The following CYB5D2 variants were observed in gnomAD, a reference collection of about 807,000 sequenced individuals.
CYB5D2 encodes the protein neuferricin.
In CYB5D2, 23 loss-of-function variants were observed where a neutral mutation model predicts 22.8. The observed-to-expected ratio is 1.01, with a 90% CI of 0.73 to 1.43. The LOEUF (loss-of-function observed/expected upper bound fraction) is 1.43, where lower values mean the gene tolerates loss of function less well. Ranked by LOEUF, CYB5D2 falls within the 40% of genes most tolerant of loss-of-function variation. The pLI, the probability that CYB5D2 is intolerant of heterozygous loss-of-function variation, is 0.00. For missense variants in CYB5D2, 373 were observed against 357.2 expected, an observed-to-expected ratio of 1.04 and a Z score of -0.36; for synonymous variants, 170 against 152.2, an observed-to-expected ratio of 1.12 and a Z score of -0.86.
Position 4,143,951 on chromosome 17 carries a change from G to T in CYB5D2, c.196G>T (p.Val66Leu). ...GGCGTTGCTCGGCCGTGTCTACGAT[G>T]TGTCCTCCGGCCGGAGGCACTACGA... The part of the protein sequence containing the change: ...YLALLGRVYD[V>L]SSGRRHYEPG... The change falls in exon 1 of 4, where the codon GTG (valine) becomes TTG (leucine). Residue 66 changes from valine (V) to leucine (L), a missense_variant. Physicochemically the swap from Val to Leu is conservative, Grantham distance 32. Coordinates refer to ENST00000301391, the MANE Select transcript of CYB5D2 (RefSeq NM_144611.4). 1 of 1,613,106 alleles carries T rather than the reference G, an allele frequency of 6.2e-7. No individual in the cohort carries two copies. Among genetic ancestry groups the T allele is most frequent in the African/African-American group, 1.3e-5 (1 of 75,042 alleles).
chr17:4,143,685 G>C lies in CYB5D2; in HGVS notation c.-71G>C. The C allele has an allele frequency of 6.6e-7, 1 of 1,523,270 alleles. No individual in the cohort carries two copies. The highest frequency in any genetic ancestry group is 2.1e-5 in the Admixed American group (1 of 46,954). 94.4% of individuals were successfully genotyped at this position (1,523,270 alleles called of 1,614,324 possible). On this transcript the variant is annotated 5_prime_UTR_variant, in exon 1 of 4. Transcript: ENST00000301391. ...CGCGCGCGCCGATGACGTCACGCTC[G>C]GCGTCTCGGCCATCTTAGCTGTAGA...
rs750306451 is a variant in CYB5D2, at chr17:4,156,963, C to A, written c.676C>A (p.Pro226Thr). Residue 226 changes from proline (P) to threonine (T), a missense_variant, in exon 4 of 4, where the codon CCT (proline) becomes ACT (threonine). Pro to Thr is a conservative substitution (Grantham distance 38). Transcript: ENST00000301391. ...CGTGTGTGTGAGAACCACCGGCCCCCCTAGTGGCCAGATGCCGGACAACCC... is the reference window on the plus strand; with the variant it reads ...CGTGTGTGTGAGAACCACCGGCCCCACTAGTGGCCAGATGCCGGACAACCC... ...RCVCVRTTGP[P>T]SGQMPDNPPH... The A allele has an allele frequency of 1.1e-5, 18 of 1,612,862 alleles. No homozygotes were observed. The highest frequency in any genetic ancestry group is 4.5e-5 in the East Asian group (2 of 44,874).
chr17:4,150,716 C>T (rs1213137054), intron 2 of CYB5D2, among the ~76,000 whole-genome samples: 2 of 152,158 alleles, frequency 1.3e-5, no homozygotes, highest in Admixed American at 6.5e-5. Flanking sequence ...GAAACCCTGT[C>T]TCTACTAAAA....
In CYB5D2 at chr17:4,156,908, G is replaced by C. The variant is rs769164850; in HGVS notation, c.621G>C (p.Leu207=). 1.2e-6 allele frequency: 2 copies of C among 1,612,848 alleles called. No homozygotes were observed. The highest frequency in any genetic ancestry group is 2.2e-5 in the South Asian group (2 of 91,014). ...SRDWIGVPRK[L]YKPGAKEPRC... ...ACTGGATTGGCGTCCCCAGGAAGCTGTATAAGCCAGGTGCTAAGGAGCCCC... is the reference window on the plus strand; with the variant it reads ...ACTGGATTGGCGTCCCCAGGAAGCTCTATAAGCCAGGTGCTAAGGAGCCCC... Residue 207 remains leucine (L), a synonymous_variant, in exon 4 of 4, where the codon CTG becomes CTC. Transcript: ENST00000301391.
At chr17:4,153,076 C>G (rs966658718) in intron 2 of CYB5D2, among the ~76,000 whole-genome samples, 1 of 152,174 alleles carries the variant, frequency 6.6e-6, no homozygotes, top group African/African-American at 2.4e-5. Flanking sequence ...CTGCGCCTGG[C>G]GCTAAGCTGT....
At chr17:4,150,094 T>A (rs1334792296) in intron 2 of CYB5D2, 63 bp downstream of exon 2, 10 of 1,576,116 alleles carry the variant, frequency 6.3e-6, no homozygotes, top group Non-Finnish European at 8.7e-6. Flanking sequence ...GGGGCTGAGA[T>A]TTTTTAGGGA....
chr17:4,143,699 C>G lies in CYB5D2; in HGVS notation c.-57C>G, dbSNP rs1692431142. On this transcript the variant is annotated 5_prime_UTR_variant, in exon 1 of 4. It adds an upstream start codon to the 5' untranslated region. Coordinates refer to ENST00000301391, the MANE Select transcript of CYB5D2 (RefSeq NM_144611.4). ...ACGTCACGCTCGGCGTCTCGGCCAT[C>G]TTAGCTGTAGATAGAGGCGGCAACC... 6.5e-7 allele frequency: 1 copy of G among 1,543,758 alleles called. No homozygotes were observed.
At chr17:4,144,990 G>C (rs1401306929) in intron 1 of CYB5D2, among the ~76,000 whole-genome samples, 1 of 152,126 alleles carries the variant, frequency 6.6e-6, no homozygotes, top group East Asian at 1.9e-4. Context: ...GTTTCACCAT[G>C]TTAGCCAGGA....
rs1196426598 is a variant in CYB5D2, at chr17:4,157,425, C to T, written c.*343C>T. 2 of 393,068 alleles carry T rather than the reference C, an allele frequency of 5.1e-6. No individual in the cohort carries two copies. Among genetic ancestry groups the T allele is most frequent in the African/African-American group, 4.1e-5 (2 of 48,994 alleles). 24.3% of individuals were successfully genotyped at this position (393,068 alleles called of 1,614,324 possible). ...CAAAAGCCTGCTGAGTTGATTACAGCTGGGCCAATACAGTACGAGGCAATA... is the reference window on the plus strand; with the variant it reads ...CAAAAGCCTGCTGAGTTGATTACAGTTGGGCCAATACAGTACGAGGCAATA... On this transcript the variant is annotated 3_prime_UTR_variant, in exon 4 of 4. Coordinates refer to ENST00000301391, the MANE Select transcript of CYB5D2 (RefSeq NM_144611.4). This position sits in a 1 kb window ranked among gnomAD's most constrained non-coding sequence, Gnocchi z 4.4.
rs1022519141 is a variant in CYB5D2 at position 4,154,758 on chromosome 17, T to C, written c.476T>C (p.Leu159Ser). Residue 159 changes from leucine (L) to serine (S), a missense_variant, in exon 3 of 4, where the codon TTG becomes TCG. Physicochemically the swap from Leu to Ser is moderately radical, Grantham distance 145. Transcript: ENST00000301391. ...GTAGAAGCTGCGATCACCAGAGGCT[T>C]GGAGGCCAACAAACTACAGCTGCAA... ...TQVEAAITRG[L>S]EANKLQLQEK... 6.2e-7 allele frequency: 1 copy of C among 1,614,154 alleles called. No individual in the cohort carries two copies. The highest frequency in any genetic ancestry group is 1.7e-5 in the Admixed American group (1 of 60,026).
intron 1 of CYB5D2, among the ~76,000 whole-genome samples, chr17:4,147,149 T>G (rs2059001309): frequency 6.6e-6 from 1 of 152,214 alleles, no homozygotes; most frequent in South Asian, 2.1e-4. Flanking sequence ...TCCATGCCCG[T>G]AGTCTCAGCT....
At chr17:4,155,235 GACAGCACA>G (rs1384334408) in intron 3 of CYB5D2, among the ~76,000 whole-genome samples, 2 of 152,148 alleles carry the variant, frequency 1.3e-5, no homozygotes, top group African/African-American at 4.8e-5. Context: ...TTTCCTGTTT[GACAGCACA>G]AATCATGCCT....
intron 2 of CYB5D2, among the ~76,000 whole-genome samples, chr17:4,151,959 T>C (rs1274531253): frequency 2.7e-5 from 4 of 149,178 alleles, no homozygotes; most frequent in Non-Finnish European, 5.9e-5. Context: ...TAAGCCGAGA[T>C]CACATCACTG....
chr17:4,152,858 A>G (rs1282106252), intron 2 of CYB5D2, among the ~76,000 whole-genome samples: 1 of 152,138 alleles, frequency 6.6e-6, no homozygotes, highest in Non-Finnish European at 1.5e-5. Context: ...GCTCACTGCA[A>G]CCTCCAACTT....
intron 1 of CYB5D2, 105 bp downstream of exon 1, chr17:4,144,110 AC>A: frequency 7.0e-7 from 1 of 1,419,810 alleles, no homozygotes; most frequent in Non-Finnish European, 9.4e-7. Context: ...CCCCATCCCC[AC>A]CCCACATCCA....
chr17:4,157,359 G>A lies in CYB5D2; in HGVS notation c.*277G>A. ...CCTCACAGCCCTCAGATATCAACGGGCACAAATAAGACCAACTCAATTTCC... is the reference window on the plus strand; with the variant it reads ...CCTCACAGCCCTCAGATATCAACGGACACAAATAAGACCAACTCAATTTCC... On this transcript the variant is annotated 3_prime_UTR_variant, in exon 4 of 4. Coordinates refer to ENST00000301391, the MANE Select transcript of CYB5D2 (RefSeq NM_144611.4). The surrounding 1 kb of genome is among the most constrained non-coding windows in gnomAD (Gnocchi z 4.4). 1 of 507,786 alleles carries A rather than the reference G, an allele frequency of 2.0e-6. No homozygotes were observed. The highest frequency in any genetic ancestry group is 2.3e-5 in the South Asian group (1 of 44,392). The allele number at this position is 507,786 out of a possible 1,614,324, so 31.5% of individuals were successfully genotyped here.
Position 4,154,927 on chromosome 17 carries a change from C to A in CYB5D2, c.578+67C>A, listed in dbSNP as rs2059098486. The A allele has an allele frequency of 2.7e-6, 4 of 1,466,714 alleles. No homozygotes were observed. In the South Asian group the frequency reaches 5.4e-5, roughly 20 times the overall value. 90.9% of individuals were successfully genotyped at this position (1,466,714 alleles called of 1,614,324 possible). A position where few individuals can be genotyped will look rare whatever the true frequency, so the allele number is the denominator to read the frequency against. On this transcript the variant is annotated intron_variant, in intron 3 of 3. Transcript: ENST00000301391. ...TCCAACTCCTAGGCCATCCTGCCTG[C>A]AGTATTCAGTGAATTCAGGAATTGA... is the stretch of plus-strand genomic sequence containing the variant.
At chr17:4,144,766 A>G (rs1273445041) in intron 1 of CYB5D2, among the ~76,000 whole-genome samples, 1 of 152,142 alleles carries the variant, frequency 6.6e-6, no homozygotes. Flanking sequence ...ATACTGACAG[A>G]ATATGGACTC....
chr17:4,143,713 G>A lies in CYB5D2; in HGVS notation c.-43G>A, dbSNP rs746065059. 19 of 1,571,032 alleles carry A rather than the reference G, an allele frequency of 1.2e-5. No individual in the cohort carries two copies. The highest frequency in any genetic ancestry group is 1.8e-5 in the Admixed American group (1 of 55,458). On this transcript the variant is annotated 5_prime_UTR_variant, in exon 1 of 4. Coordinates refer to ENST00000301391, the MANE Select transcript of CYB5D2 (RefSeq NM_144611.4). ...GTCTCGGCCATCTTAGCTGTAGATA[G>A]AGGCGGCAACCTCGGAAGTGCGGAG...
Sources: allele counts gnomAD v4.1 joint callset (sites outside exome capture counted in the v4.1 genomes callset), GRCh38; gene constraint gnomAD v4.1.1; non-coding constraint Gnocchi (gnomAD v3.1); transcripts MANE v1.5; gene names NCBI Gene and HGNC (gene_info 2026-07-23, HGNC 2026-07-21).